The following PTER variants were observed in gnomAD, a reference collection of about 807,000 sequenced individuals.
The protein encoded by PTER is phosphotriesterase related, also known as N-acetyltaurine hydrolase.
Under a neutral mutation model 29.6 loss-of-function variants are expected in PTER, and 38 were observed. The ratio of observed to expected loss-of-function variants is 1.28; its 90% CI spans 0.99 to 1.68. The LOEUF (loss-of-function observed/expected upper bound fraction) is 1.68. Ranked by LOEUF, PTER falls within the 40% of genes most tolerant of loss-of-function variation. The probability of loss-of-function intolerance (pLI) is 0.00; values close to 1 mark genes in which losing one functional copy is unlikely to be tolerated. For missense variants in PTER, 482 were observed against 427.8 expected (o/e 1.13, Z -1.12); for synonymous variants, 172 against 154.5 (o/e 1.11, Z -0.84).
chr10:16,508,653 G>A (rs1004048407), intron 4 of PTER, among the ~76,000 whole-genome samples: 2 of 151,682 alleles, frequency 1.3e-5, no homozygotes, highest in African/African-American at 4.9e-5. Context: ...TGGATGTATG[G>A]AAATAATAAA....
At chr10:16,477,627 C>T (rs1388059211) in intron 1 of PTER, among the ~76,000 whole-genome samples, 2 of 152,136 alleles carry the variant, frequency 1.3e-5, no homozygotes, top group Admixed American at 6.6e-5. Flanking sequence ...CTTCATTTCA[C>T]AGATGGGAAA....
At chr10:16,510,949 C>T (rs527901904) in intron 4 of PTER, 97 bp from the exon 5 acceptor site, 27 of 1,002,936 alleles carry the variant, frequency 2.7e-5, no homozygotes, top group East Asian at 2.1e-4. Flanking sequence ...AGTATCTTTA[C>T]GACAAGCACA....
At chr10:16,460,420 A>G (rs889009117) in intron 1 of PTER, among the ~76,000 whole-genome samples, 1 of 152,236 alleles carries the variant, frequency 6.6e-6, no homozygotes, top group East Asian at 1.9e-4. Flanking sequence ...TTTAGCATCT[A>G]AAAATGAAGT....
chr10:16,443,915 G>A lies in PTER; in HGVS notation c.-49+6868G>A, dbSNP rs190023703. Among the ~76,000 whole-genome samples the A allele has an allele frequency of 3.7e-4, 56 of 151,864 alleles. 1 individual carries two copies. In the East Asian group the frequency reaches 7.2e-3, roughly 19 times the overall value. ...TCTTGTGCTCATCTTGCTTAAATATGTTGTGTCTTACAATTATCACGATAC... is the reference window on the plus strand; with the variant it reads ...TCTTGTGCTCATCTTGCTTAAATATATTGTGTCTTACAATTATCACGATAC... On this transcript the variant is annotated intron_variant, in intron 1 of 4. Coordinates refer to ENST00000535784, the MANE Select transcript of PTER (RefSeq NM_001261836.2).
intron 1 of PTER, among the ~76,000 whole-genome samples, chr10:16,451,255 T>C (rs769441380): frequency 2.6e-5 from 4 of 152,212 alleles, no homozygotes; most frequent in Admixed American, 2.6e-4. Flanking sequence ...GATTAGATGG[T>C]GCCCACCCAG....
intron 1 of PTER, among the ~76,000 whole-genome samples, chr10:16,460,913 C>T (rs1368806362): frequency 2.0e-5 from 3 of 152,080 alleles, no homozygotes; most frequent in Non-Finnish European, 4.4e-5. Context: ...GACGGGGTTT[C>T]ACCATGTTGG....
chr10:16,474,802 G>A (rs753225221), intron 1 of PTER, among the ~76,000 whole-genome samples: 3 of 152,050 alleles, frequency 2.0e-5, no homozygotes, highest in African/African-American at 7.2e-5. Flanking sequence ...CAGGAGAATC[G>A]CTTGAACCCA....
intron 1 of PTER, among the ~76,000 whole-genome samples, chr10:16,468,546 C>T (rs904068893): frequency 1.3e-5 from 2 of 151,964 alleles, no homozygotes; most frequent in African/African-American, 2.4e-5. Context: ...GTGGATAAAG[C>T]GGGACTAAAA....
intron 1 of PTER, among the ~76,000 whole-genome samples, chr10:16,446,599 A>G (rs1834021284): frequency 6.6e-6 from 1 of 152,028 alleles, no homozygotes; most frequent in Non-Finnish European, 1.5e-5. Context: ...ATTGAATTTA[A>G]TTGTTAGATT....
intron 1 of PTER, among the ~76,000 whole-genome samples, chr10:16,457,654 C>T (rs1354905101): frequency 1.3e-5 from 2 of 152,114 alleles, no homozygotes; most frequent in African/African-American, 4.8e-5. Flanking sequence ...GGCTGGAGTG[C>T]AGTGGCCTGA....
intron 1 of PTER, among the ~76,000 whole-genome samples, chr10:16,477,225 G>A (rs899672864): frequency 1.3e-5 from 2 of 151,636 alleles, no homozygotes; most frequent in Non-Finnish European, 2.9e-5. Context: ...TTTAAACTTT[G>A]AAGGATGTGA....
chr10:16,482,108 G>T (rs1835501958), intron 1 of PTER, among the ~76,000 whole-genome samples: 1 of 152,110 alleles, frequency 6.6e-6, no homozygotes, highest in Admixed American at 6.5e-5. Context: ...TTCCAGAAAG[G>T]CACTATCAAA....
At position 16,505,113 on chromosome 10, in the gene PTER, A is replaced by G; in HGVS notation, c.792A>G (p.Gln264=). Residue 264 remains glutamine, a synonymous_variant, in exon 4 of 5, where the codon CAA becomes CAG. Transcript: ENST00000535784. ...TTGGTACTGAACTACTTCATTACCA[A>G]CTCGGCCCAGATATTGACATGCCTG... ...DLFGTELLHY[Q]LGPDIDMPDD... The G allele has an allele frequency of 6.2e-7, 1 of 1,613,832 alleles. No homozygotes were observed. The highest frequency in any genetic ancestry group is 1.1e-5 in the South Asian group (1 of 91,048).
intron 4 of PTER, among the ~76,000 whole-genome samples, chr10:16,508,631 ATATAGC>A (rs1836688961): frequency 6.6e-6 from 1 of 152,170 alleles, no homozygotes; most frequent in Non-Finnish European, 1.5e-5. Context: ...ACTGTGCTAA[ATATAGC>A]TATTCTGGAT....
intron 4 of PTER, among the ~76,000 whole-genome samples, chr10:16,510,058 A>G (rs11254041): frequency 0.48 from 73,365 of 151,818 alleles, 18,069 homozygotes; most frequent in Middle Eastern, 0.59. Flanking sequence ...GGAGGAAGGC[A>G]CTGTCCGTCC....
chr10:16,454,118 C>A (rs1834308184), intron 1 of PTER, among the ~76,000 whole-genome samples: 5 of 152,118 alleles, frequency 3.3e-5, no homozygotes, highest in Admixed American at 2.6e-4. Context: ...GTGAGGGAGA[C>A]AATTTTTTGG....
chr10:16,509,053 T>A (rs771946567), intron 4 of PTER, among the ~76,000 whole-genome samples: 1 of 152,224 alleles, frequency 6.6e-6, no homozygotes, highest in African/African-American at 2.4e-5. Flanking sequence ...TTTCACACTT[T>A]GTAGTCTCTC....
At chr10:16,437,204 T>G (rs2133345226) in intron 1 of PTER, among the ~76,000 whole-genome samples, 157 bp downstream of exon 1, 1 of 152,298 alleles carries the variant, frequency 6.6e-6, no homozygotes, top group South Asian at 2.1e-4. Context: ...GCTTGGGCCC[T>G]GCCGCCTCTC....
intron 1 of PTER, among the ~76,000 whole-genome samples, chr10:16,479,007 T>TGCG (rs1835381358): frequency 6.6e-6 from 1 of 152,052 alleles, no homozygotes; most frequent in Non-Finnish European, 1.5e-5. Flanking sequence ...ACTTCCTGGG[T>TGCG]TCGTCACTGC....
Sources: allele counts gnomAD v4.1 joint callset (sites outside exome capture counted in the v4.1 genomes callset), GRCh38; gene constraint gnomAD v4.1.1; transcripts MANE v1.5; gene names NCBI Gene and HGNC (gene_info 2026-07-23, HGNC 2026-07-21).